Variants in DPYD observed in about 807,000 individuals in gnomAD.
DPYD encodes dihydropyrimidine dehydrogenase, also known as dihydropyrimidine dehydrogenase [NADP(+)].
In DPYD, 109 loss-of-function variants were observed where a neutral mutation model predicts 116.2. The observed-to-expected ratio is 0.94, with a 90% CI of 0.80 to 1.10. The LOEUF (loss-of-function observed/expected upper bound fraction) is 1.10, where lower values mean the gene tolerates loss of function less well. DPYD is among the 50% of genes least tolerant of loss of function. DPYD has a pLI of 0.00. For synonymous variants in DPYD, 440 were observed against 432.0 expected (o/e 1.02, Z -0.23); for missense variants, 1,302 against 1,254.5 (o/e 1.04, Z -0.57).
intron 20 of DPYD, among the ~76,000 whole-genome samples, chr1:97,124,659 G>A (rs1002217136): frequency 2.6e-5 from 4 of 152,054 alleles, no homozygotes; most frequent in Non-Finnish European, 5.9e-5. Flanking sequence ...AAATGTTTGG[G>A]TTCAGTGGAT....
chr1:97,357,446 C>A (rs542033266), intron 16 of DPYD, among the ~76,000 whole-genome samples: 1 of 151,656 alleles, frequency 6.6e-6, no homozygotes, highest in South Asian at 2.1e-4. Flanking sequence ...TTGACTTCTG[C>A]TTTTCCTATT....
At chr1:97,330,467 A>G (rs184276998) in intron 16 of DPYD, among the ~76,000 whole-genome samples, 8 of 152,294 alleles carry the variant, frequency 5.3e-5, no homozygotes, top group African/African-American at 1.9e-4. Flanking sequence ...TCATTAATTC[A>G]TTCACTCCAC....
chr1:97,140,652 A>C (rs2101693265), intron 20 of DPYD, among the ~76,000 whole-genome samples: 1 of 152,266 alleles, frequency 6.6e-6, no homozygotes, highest in Non-Finnish European at 1.5e-5. Context: ...GGGAGGCAGA[A>C]GATAATCACA....
intron 8 of DPYD, among the ~76,000 whole-genome samples, chr1:97,666,165 A>ATTTAT (rs756621754): frequency 4.0e-5 from 6 of 151,862 alleles, no homozygotes; most frequent in South Asian, 2.1e-4. Context: ...TCCTTCTGTG[A>ATTTAT]TTTATTTTAT....
chr1:97,372,965 C>T (rs1671383786), intron 16 of DPYD, among the ~76,000 whole-genome samples: 1 of 152,158 alleles, frequency 6.6e-6, no homozygotes, highest in Non-Finnish European at 1.5e-5. Flanking sequence ...CAACATTTAA[C>T]TAGTTACATA....
chr1:97,156,335 C>A (rs1012757522), intron 20 of DPYD, among the ~76,000 whole-genome samples: 1 of 151,950 alleles, frequency 6.6e-6, no homozygotes, highest in Non-Finnish European at 1.5e-5. Context: ...AGGCAACCTA[C>A]AAAATGGGAG....
intron 18 of DPYD, among the ~76,000 whole-genome samples, chr1:97,246,757 TA>T (rs886075107): frequency 3.9e-5 from 6 of 152,198 alleles, no homozygotes; most frequent in African/African-American, 9.6e-5. Flanking sequence ...TAAAATGCAT[TA>T]AAAAATATTG....
chr1:97,143,213 A>G (rs1328343190), intron 20 of DPYD, among the ~76,000 whole-genome samples: 1 of 152,086 alleles, frequency 6.6e-6, no homozygotes, highest in African/African-American at 2.4e-5. Flanking sequence ...AAAATAAGTC[A>G]CTTTCATTCT....
intron 4 of DPYD, among the ~76,000 whole-genome samples, chr1:97,735,173 G>A (rs911905974): frequency 6.6e-6 from 1 of 152,046 alleles, no homozygotes; most frequent in South Asian, 2.1e-4. Flanking sequence ...AAAGAAACAT[G>A]CATGCTTCAC....
chr1:97,643,103 A>C (rs936026103), intron 8 of DPYD, among the ~76,000 whole-genome samples: 2 of 152,092 alleles, frequency 1.3e-5, no homozygotes, highest in Non-Finnish European at 2.9e-5. Flanking sequence ...AATTAAACTA[A>C]AGAACTTCTG....
At chr1:97,303,082 C>T (rs1265224345) in intron 18 of DPYD, among the ~76,000 whole-genome samples, 3 of 151,822 alleles carry the variant, frequency 2.0e-5, no homozygotes, top group Non-Finnish European at 4.4e-5. Flanking sequence ...TCACTATTTC[C>T]GTATTTAAAC....
At position 97,247,032 on chromosome 1, in the gene DPYD, A is replaced by G. The variant is rs1662767055; in HGVS notation, c.2300-12038T>C. Among the ~76,000 whole-genome samples the G allele has an allele frequency of 3.3e-5, 5 of 152,164 alleles. 1 individual carries two copies. The South Asian group carries it at 1.0e-3, about 31-fold the overall frequency. On this transcript the variant is annotated intron_variant, in intron 18 of 22. Coordinates refer to ENST00000370192, the MANE Select transcript of DPYD (RefSeq NM_000110.4). ...TTCTAGTCTGATGAAAAGTAATATT[A>G]GGATTTTTATCAAACAGAAGGGATA... is the stretch of plus-strand genomic sequence containing the variant.
Position 97,676,019 on chromosome 1 carries a change from T to C in DPYD, c.850+3076A>G, listed in dbSNP as rs539098101. ...GCCTCGGCCTCCCAAAGTGCTGGGA[T>C]TACAGGTGTGAGCCACCACGCCTGG... On this transcript the variant is annotated intron_variant, in intron 8 of 22. Transcript: ENST00000370192. Among the ~76,000 whole-genome samples, 47 of 152,230 alleles carry C rather than the reference T, an allele frequency of 3.1e-4. No homozygotes were observed. The East Asian group carries it at 8.5e-3, about 27-fold the overall frequency.
At chr1:97,454,964 T>C (rs1164839017) in intron 13 of DPYD, among the ~76,000 whole-genome samples, 1 of 151,858 alleles carries the variant, frequency 6.6e-6, no homozygotes, top group Non-Finnish European at 1.5e-5. Context: ...TATAAACATC[T>C]TGTTGAATGA....
At chr1:97,164,733 G>A (rs752746869) in intron 20 of DPYD, among the ~76,000 whole-genome samples, 2 of 152,134 alleles carry the variant, frequency 1.3e-5, no homozygotes, top group Admixed American at 6.6e-5. Flanking sequence ...GTGAAAGATC[G>A]CTACAATGAG....
chr1:97,596,750 A>G (rs1041293005), intron 8 of DPYD, among the ~76,000 whole-genome samples: 1 of 152,192 alleles, frequency 6.6e-6, no homozygotes, highest in Non-Finnish European at 1.5e-5. Context: ...GTTGCCTGTA[A>G]TCAGCAATAA....
chr1:97,349,418 C>T (rs1670021521), intron 16 of DPYD, among the ~76,000 whole-genome samples: 1 of 151,490 alleles, frequency 6.6e-6, no homozygotes, highest in Admixed American at 6.6e-5. Flanking sequence ...CATATGTATA[C>T]ATGTGCCATG....
At chr1:97,212,750 T>C (rs1660120016) in intron 19 of DPYD, among the ~76,000 whole-genome samples, 1 of 152,146 alleles carries the variant, frequency 6.6e-6, no homozygotes, top group African/African-American at 2.4e-5. Flanking sequence ...TGTCTTTTGA[T>C]ACTAGCCATT....
In DPYD at chr1:97,167,575, T is replaced by G. The variant is rs561904301; in HGVS notation, c.2622+25494A>C. On this transcript the variant is annotated intron_variant, in intron 20 of 22. Transcript: ENST00000370192. ...GAATTGTGTGAAGAGTCATTTTGAA[T>G]TGGTGAAAAGACTGAATTACAGATT... Among the ~76,000 whole-genome samples the G allele has an allele frequency of 3.9e-5, 6 of 152,190 alleles. No individual in the cohort carries two copies. The South Asian group carries it at 1.0e-3, about 26-fold the overall frequency.
Sources: gnomAD v4.1 joint callset for allele counts (sites outside exome capture counted in the v4.1 genomes callset) on GRCh38, gnomAD v4.1.1 for gene constraint, MANE v1.5 for transcripts, NCBI Gene and HGNC (gene_info 2026-07-23, HGNC 2026-07-21) for gene names.